Variants in CPNE8 observed in about 807,000 individuals in gnomAD.
The protein encoded by CPNE8 is copine-8.
Under a neutral mutation model 81.5 loss-of-function variants are expected in CPNE8, and 45 were observed. The ratio of observed to expected loss-of-function variants is 0.55; its 90% CI spans 0.44 to 0.71. The LOEUF (loss-of-function observed/expected upper bound fraction) is 0.71. Among genes scored for constraint, CPNE8 ranks in the 30% least tolerant of loss-of-function variants. The probability of loss-of-function intolerance (pLI) is 0.00; values close to 1 mark genes in which losing one functional copy is unlikely to be tolerated. For synonymous variants in CPNE8, 252 were observed against 226.3 expected (o/e 1.11, Z -1.02); for missense variants, 594 against 672.1 (o/e 0.88, Z 1.28).
Position 38,905,426 on chromosome 12 carries a change from T to C in CPNE8, c.98+11A>G. On this transcript the variant is annotated intron_variant, in intron 1 of 19. Transcript: ENST00000331366. ...AGAGGGCAGGAGAGAGGGGAAGGGC[T>C]GCGTCCTCACCTGCAGGACACGGAC... The C allele has an allele frequency of 6.4e-7, 1 of 1,554,912 alleles. No individual in the cohort carries two copies. The highest frequency in any genetic ancestry group is 2.4e-5 in the East Asian group (1 of 41,760).
At chr12:38,772,838 T>A (rs1477803764) in intron 7 of CPNE8, among the ~76,000 whole-genome samples, 2 of 152,108 alleles carry the variant, frequency 1.3e-5, no homozygotes, top group Non-Finnish European at 2.9e-5. Flanking sequence ...TCTAGCATTA[T>A]ACACAAATAA....
intron 4 of CPNE8, among the ~76,000 whole-genome samples, chr12:38,843,155 A>C (rs1044385971): frequency 6.6e-6 from 1 of 152,206 alleles, no homozygotes; most frequent in Admixed American, 6.5e-5. Context: ...TCATCCTGCC[A>C]TTGAAACCTT....
At chr12:38,677,191 T>C (rs766402693) in intron 17 of CPNE8, among the ~76,000 whole-genome samples, 1 of 152,124 alleles carries the variant, frequency 6.6e-6, no homozygotes, top group East Asian at 1.9e-4. Flanking sequence ...AACAAACCCA[T>C]GCCTGTGAAA....
intron 4 of CPNE8, among the ~76,000 whole-genome samples, chr12:38,843,313 T>C (rs1459622924): frequency 6.6e-6 from 1 of 152,168 alleles, no homozygotes; most frequent in Non-Finnish European, 1.5e-5. Flanking sequence ...AAATATGTGA[T>C]CATGCTTAGC....
chr12:38,837,936 T>C (rs1234102790), intron 5 of CPNE8, among the ~76,000 whole-genome samples: 1 of 152,172 alleles, frequency 6.6e-6, no homozygotes, highest in Non-Finnish European at 1.5e-5. Context: ...AAAGGAAATA[T>C]ACATTTATGA....
chr12:38,746,066 T>A (rs565110766), intron 10 of CPNE8, among the ~76,000 whole-genome samples: 71 of 152,294 alleles, frequency 4.7e-4, no homozygotes, highest in Non-Finnish European at 8.7e-4. Flanking sequence ...AATATGTATT[T>A]CTCGCAATCA....
At chr12:38,671,147 G>A (rs893846628) in intron 18 of CPNE8, among the ~76,000 whole-genome samples, 1 of 152,078 alleles carries the variant, frequency 6.6e-6, no homozygotes, top group Non-Finnish European at 1.5e-5. Context: ...ATGACTGATT[G>A]AGCAAGTGAT....
rs770984926 is a variant in CPNE8 at position 38,717,429 on chromosome 12, G to GTGTATATATATATATA, written c.914+6342_914+6343insTATATATATATATACA. Among the ~76,000 whole-genome samples, 609 of 86,952 alleles carry GTGTATATATATATATA rather than the reference G, an allele frequency of 7.0e-3. 35 individuals carry two copies. The highest frequency in any genetic ancestry group is 0.041 in the East Asian group (90 of 2,188). The allele number at this position is 86,952 out of a possible 152,430, so 57.0% of individuals were successfully genotyped here. A position where few individuals can be genotyped will look rare whatever the true frequency, so the allele number is the denominator to read the frequency against. ...AACAAGTAAACAAAGAAAGTGTGGT[G>GTGTATATATATATATA]TATATATATATATATATATATATAT... On this transcript the variant is annotated intron_variant, in intron 13 of 19. Coordinates refer to ENST00000331366, the MANE Select transcript of CPNE8 (RefSeq NM_153634.3).
At chr12:38,733,295 C>G (rs1408571338) in intron 10 of CPNE8, among the ~76,000 whole-genome samples, 1 of 151,780 alleles carries the variant, frequency 6.6e-6, no homozygotes, top group Non-Finnish European at 1.5e-5. Flanking sequence ...GATACTTACT[C>G]TAAAGAGAAT....
chr12:38,716,478 C>T lies in CPNE8; in HGVS notation c.914+7294G>A, dbSNP rs147171144. Among the ~76,000 whole-genome samples the T allele has an allele frequency of 1.5e-4, 23 of 151,728 alleles. No homozygotes were observed. The East Asian group carries it at 2.5e-3, about 17-fold the overall frequency. Reference sequence around the variant, plus strand: ...TAGATCAAGGAACAGAACAGAGAACCGAGGTGTAAAGCCAAATAGAACTAA... The same window carrying T: ...TAGATCAAGGAACAGAACAGAGAACTGAGGTGTAAAGCCAAATAGAACTAA... On this transcript the variant is annotated intron_variant, in intron 13 of 19. Coordinates refer to ENST00000331366, the MANE Select transcript of CPNE8 (RefSeq NM_153634.3).
At chr12:38,905,669 G>A (rs1944560758), upstream of CPNE8, 5 of 1,479,194 alleles carry the variant, frequency 3.4e-6, no homozygotes, top group African/African-American at 1.4e-5. Context: ...CGCGCGGGAT[G>A]GGGGAGGGAA....
chr12:38,694,257 G>C (rs1342022496), intron 14 of CPNE8, among the ~76,000 whole-genome samples: 1 of 152,112 alleles, frequency 6.6e-6, no homozygotes. Flanking sequence ...AATTATGAAG[G>C]CTTCCTATAA....
chr12:38,732,446 C>T (rs1940852743), intron 10 of CPNE8, among the ~76,000 whole-genome samples: 1 of 151,932 alleles, frequency 6.6e-6, no homozygotes, highest in South Asian at 2.1e-4. Flanking sequence ...ATTTGGTTCT[C>T]TTTTGTTCTA....
At chr12:38,698,982 T>G (rs779544664) in intron 14 of CPNE8, among the ~76,000 whole-genome samples, 1 of 152,226 alleles carries the variant, frequency 6.6e-6, no homozygotes, top group African/African-American at 2.4e-5. Context: ...AATTTCCATA[T>G]GAATTTCTTC....
In CPNE8 at chr12:38,759,968, C is replaced by G. The variant is rs529242619; in HGVS notation, c.722+879G>C. On this transcript the variant is annotated intron_variant, in intron 10 of 19. Coordinates refer to ENST00000331366, the MANE Select transcript of CPNE8 (RefSeq NM_153634.3). ...TTCAGGTATCCAGGCACTTTCATCC[C>G]TTTGGGGGTTGGTTTCTGGCTTGTA... is the stretch of plus-strand genomic sequence containing the variant. 3.3e-5 allele frequency among the ~76,000 whole-genome samples: 5 copies of G among 152,270 alleles called. No homozygotes were observed. In the East Asian group the frequency reaches 9.7e-4, roughly 29 times the overall value.
chr12:38,906,520 G>T, upstream of CPNE8: 1 of 985,942 alleles, frequency 1.0e-6, no homozygotes, highest in African/African-American at 1.7e-5. Flanking sequence ...GGGGGCCGGG[G>T]AGGGTGATGT....
chr12:38,707,259 A>C (rs1433900013), intron 13 of CPNE8, among the ~76,000 whole-genome samples: 2 of 152,164 alleles, frequency 1.3e-5, no homozygotes, highest in Non-Finnish European at 2.9e-5. Flanking sequence ...GGCTGCGGTG[A>C]GCTATACTTG....
intron 8 of CPNE8, among the ~76,000 whole-genome samples, chr12:38,764,065 C>G (rs1941626104): frequency 6.6e-6 from 1 of 152,128 alleles, no homozygotes. Context: ...TAAGGAAACT[C>G]GTGTCATTAA....
chr12:38,666,715 G>C (rs1013618938), intron 19 of CPNE8, among the ~76,000 whole-genome samples: 5 of 152,170 alleles, frequency 3.3e-5, no homozygotes, highest in Admixed American at 6.5e-5. Context: ...AGAAGAGCTT[G>C]AAGTCAGGTC....
Sources: gnomAD v4.1 joint callset for allele counts (sites outside exome capture counted in the v4.1 genomes callset) on GRCh38, gnomAD v4.1.1 for gene constraint, MANE v1.5 for transcripts, NCBI Gene and HGNC (gene_info 2026-07-23, HGNC 2026-07-21) for gene names.